The following MYO16 variants were observed in gnomAD, a reference collection of about 807,000 sequenced individuals.
MYO16 encodes the protein unconventional myosin-XVI.
A neutral mutation model predicts 205.3 loss-of-function variants in MYO16; 94 were observed. The observed-to-expected ratio is 0.46, with a 90% CI of 0.39 to 0.54. The LOEUF (loss-of-function observed/expected upper bound fraction) is 0.54, where lower values mean the gene tolerates loss of function less well. MYO16 is among the 20% of genes least tolerant of loss of function. MYO16 has a pLI of 0.00. For missense variants in MYO16, 2,315 were observed against 2,387.5 expected, an observed-to-expected ratio of 0.97 and a Z score of 0.63; for synonymous variants, 988 against 954.0, an observed-to-expected ratio of 1.04 and a Z score of -0.66.
chr13:108,936,411 G>A (rs1882494615), intron 16 of MYO16, among the ~76,000 whole-genome samples: 1 of 151,794 alleles, frequency 6.6e-6, no homozygotes, highest in Non-Finnish European at 1.5e-5. Context: ...AGTTGGTATT[G>A]GTCTGTTCAG....
At chr13:108,992,537 C>A in intron 21 of MYO16, 89 bp downstream of exon 21, 1 of 721,534 alleles carries the variant, frequency 1.4e-6, no homozygotes, top group Non-Finnish European at 2.2e-6. Flanking sequence ...AGTGTAACTA[C>A]TTACAAATAT....
chr13:108,667,785 C>A (rs891955300), intron 2 of MYO16, among the ~76,000 whole-genome samples: 3 of 152,124 alleles, frequency 2.0e-5, no homozygotes, highest in African/African-American at 7.2e-5. Context: ...GTGGCTCATA[C>A]CTATAATCCC....
At chr13:108,776,423 G>C (rs1886126514) in intron 4 of MYO16, among the ~76,000 whole-genome samples, 1 of 152,156 alleles carries the variant, frequency 6.6e-6, no homozygotes, top group African/African-American at 2.4e-5. Flanking sequence ...TTTGACCTCA[G>C]TTCACACCTC....
chr13:108,795,466 C>CT (rs1191482612), intron 6 of MYO16, among the ~76,000 whole-genome samples: 3 of 152,104 alleles, frequency 2.0e-5, no homozygotes, highest in South Asian at 2.1e-4. Flanking sequence ...CCTTGGCCTC[C>CT]CAAAGTGCTG....
chr13:109,096,343 CCTTTT>C (rs1888774769), intron 27 of MYO16, among the ~76,000 whole-genome samples: 1 of 152,252 alleles, frequency 6.6e-6, no homozygotes, highest in Non-Finnish European at 1.5e-5. Flanking sequence ...GTGGCGTTTC[CCTTTT>C]CTTTTCAGGA....
chr13:108,707,425 G>T (rs983143532), intron 2 of MYO16, among the ~76,000 whole-genome samples: 1 of 152,118 alleles, frequency 6.6e-6, no homozygotes, highest in African/African-American at 2.4e-5. Flanking sequence ...GTATCTTTAC[G>T]AAGTTTGGGT....
chr13:108,517,085 A>G, the MYO16 span, among the ~76,000 whole-genome samples: 1 of 152,122 alleles, frequency 6.6e-6, no homozygotes. Flanking sequence ...ATGCACCACT[A>G]TGTCCAGTTA....
intron 21 of MYO16, among the ~76,000 whole-genome samples, chr13:108,995,388 A>T (rs535712887): frequency 6.6e-6 from 1 of 152,292 alleles, no homozygotes; most frequent in South Asian, 2.1e-4. Context: ...TTGTGGAGGA[A>T]CACATTCAGA....
At chr13:108,766,804 T>C (rs1885790745) in intron 4 of MYO16, among the ~76,000 whole-genome samples, 1 of 152,210 alleles carries the variant, frequency 6.6e-6, no homozygotes, top group Non-Finnish European at 1.5e-5. Context: ...GCCTGATTCA[T>C]TTGAAGGTTT....
chr13:109,096,366 C>A (rs1888776295), intron 27 of MYO16, among the ~76,000 whole-genome samples: 1 of 152,082 alleles, frequency 6.6e-6, no homozygotes, highest in Admixed American at 6.6e-5. Flanking sequence ...GGACATGAGT[C>A]ATATTGGATT....
the MYO16 span, among the ~76,000 whole-genome samples, chr13:108,501,688 C>T: frequency 1.3e-5 from 2 of 152,216 alleles, no homozygotes; most frequent in Non-Finnish European, 2.9e-5. Flanking sequence ...CCTTGGCCTG[C>T]TGTGTACAGC....
At chr13:109,036,510 G>T (rs1886722223) in intron 23 of MYO16, among the ~76,000 whole-genome samples, 1 of 152,082 alleles carries the variant, frequency 6.6e-6, no homozygotes, top group Admixed American at 6.6e-5. Context: ...CAAAAAAGCC[G>T]CATACTGTCA....
At chr13:108,836,102 T>C (rs1192015135) in intron 9 of MYO16, among the ~76,000 whole-genome samples, 1 of 151,992 alleles carries the variant, frequency 6.6e-6, no homozygotes, top group African/African-American at 2.4e-5. Context: ...AAAAATGGTT[T>C]TGTGTTTTGT....
intron 33 of MYO16, among the ~76,000 whole-genome samples, chr13:109,174,876 C>T (rs1429616990): frequency 1.3e-5 from 2 of 151,582 alleles, no homozygotes; most frequent in African/African-American, 2.4e-5. Context: ...CTCAGCCTCC[C>T]GAGTAGCTGG....
chr13:109,007,037 C>T (rs277813), intron 21 of MYO16, among the ~76,000 whole-genome samples: 145,419 of 152,254 alleles, frequency 0.96, 69,737 homozygotes, highest in East Asian at 1. Context: ...CAAATAACGC[C>T]GGGGTGGGGA....
At chr13:108,505,783 A>G in the MYO16 span, among the ~76,000 whole-genome samples, 18,907 of 151,890 alleles carry the variant, frequency 0.12, 1,284 homozygotes, top group Middle Eastern at 0.21. Context: ...TTTTTTCTAG[A>G]TGTATATGGT....
At chr13:108,500,745 C>T in the MYO16 span, among the ~76,000 whole-genome samples, 1 of 152,324 alleles carries the variant, frequency 6.6e-6, no homozygotes. Flanking sequence ...CATCTTCGTG[C>T]TCCAGTCTTA....
chr13:108,545,907 A>T, the MYO16 span, among the ~76,000 whole-genome samples: 2 of 152,036 alleles, frequency 1.3e-5, no homozygotes, highest in African/African-American at 4.8e-5. Context: ...GAGATACCTA[A>T]CTCATAGTTT....
At chr13:108,953,632 T>C (rs1883240596) in intron 16 of MYO16, among the ~76,000 whole-genome samples, 1 of 152,082 alleles carries the variant, frequency 6.6e-6, no homozygotes, top group Non-Finnish European at 1.5e-5. Context: ...TTGGTTTCCA[T>C]ATTTTACCAT....
Sources: gnomAD v4.1 joint callset for allele counts (sites outside exome capture counted in the v4.1 genomes callset) on GRCh38, gnomAD v4.1.1 for gene constraint, MANE v1.5 for transcripts, NCBI Gene and HGNC (gene_info 2026-07-23, HGNC 2026-07-21) for gene names.